The following CSMD1 variants were observed in gnomAD, a reference collection of about 807,000 sequenced individuals.
The protein encoded by CSMD1 is CUB and Sushi multiple domains 1, also known as CUB and sushi domain-containing protein 1.
A neutral mutation model predicts 417.5 loss-of-function variants in CSMD1; 213 were observed. That is an observed-to-expected ratio of 0.51 (90% CI 0.46 to 0.57). The LOEUF is 0.57. Ranked by LOEUF, CSMD1 falls within the 20% of genes least tolerant of loss-of-function variation. The pLI, the probability that CSMD1 is intolerant of heterozygous loss-of-function variation, is 0.00. For synonymous variants in CSMD1, 2,862 were observed against 1,736.8 expected (o/e 1.65, Z -16.11); for missense variants, 6,923 against 4,529.7 (o/e 1.53, Z -15.17).
intron 3 of CSMD1, among the ~76,000 whole-genome samples, chr8:4,355,266 A>ATAAT (rs1430037043): frequency 6.6e-6 from 1 of 151,902 alleles, no homozygotes; most frequent in Non-Finnish European, 1.5e-5. Flanking sequence ...AAATAAATAA[A>ATAAT]TAAATATACC....
rs1563209883 is a variant in CSMD1 at position 4,164,878 on chromosome 8, AAG to A, written c.416-132781_416-132780del. 2.4e-4 allele frequency among the ~76,000 whole-genome samples: 20 copies of A among 83,424 alleles called. No individual in the cohort carries two copies. In the South Asian group the frequency reaches 7.1e-3, roughly 30 times the overall value. The allele number at this position is 83,424 out of a possible 152,430, so 54.7% of individuals were successfully genotyped here. A position where few individuals can be genotyped will look rare whatever the true frequency, so the allele number is the denominator to read the frequency against. ...AGCAACAGAGCAAGACTCCATCTCA[AAG>A]AAAAAAAAAAATATATATATATGTA... is the stretch of plus-strand genomic sequence containing the variant. On this transcript the variant is annotated intron_variant, in intron 3 of 69. Transcript: ENST00000635120.
At chr8:3,489,543 A>G (rs1818250989) in intron 11 of CSMD1, among the ~76,000 whole-genome samples, 1 of 152,232 alleles carries the variant, frequency 6.6e-6, no homozygotes, top group East Asian at 1.9e-4. Flanking sequence ...ATGTACTTGG[A>G]AAGAACTCAA....
intron 3 of CSMD1, among the ~76,000 whole-genome samples, chr8:4,408,630 A>C (rs988802084): frequency 1.1e-4 from 16 of 152,224 alleles, no homozygotes; most frequent in African/African-American, 3.9e-4. Flanking sequence ...AATGTACTCT[A>C]TATGACACCA....
At chr8:4,185,356 T>A (rs1220510459) in intron 3 of CSMD1, among the ~76,000 whole-genome samples, 1 of 152,044 alleles carries the variant, frequency 6.6e-6, no homozygotes, top group Non-Finnish European at 1.5e-5. Context: ...AGGTTTACTA[T>A]GAAGATTAAA....
At chr8:3,720,652 C>CACAT (rs1478202847) in intron 6 of CSMD1, among the ~76,000 whole-genome samples, 71 of 152,028 alleles carry the variant, frequency 4.7e-4, no homozygotes, top group African/African-American at 1.7e-3. Context: ...CACACACACA[C>CACAT]ACACCAGCAC....
At chr8:3,097,841 A>G (rs1815431839) in intron 46 of CSMD1, among the ~76,000 whole-genome samples, 1 of 152,206 alleles carries the variant, frequency 6.6e-6, no homozygotes, top group African/African-American at 2.4e-5. Flanking sequence ...AAGAGGAAGA[A>G]TTAGAGACCT....
chr8:3,402,064 C>G (rs775875096), intron 15 of CSMD1, among the ~76,000 whole-genome samples: 4 of 151,868 alleles, frequency 2.6e-5, no homozygotes, highest in Admixed American at 1.3e-4. Flanking sequence ...GTGTATTTTC[C>G]TATGGCTTTA....
At chr8:4,525,557 A>C (rs2130423950) in intron 2 of CSMD1, among the ~76,000 whole-genome samples, 1 of 152,332 alleles carries the variant, frequency 6.6e-6, no homozygotes, top group African/African-American at 2.4e-5. Flanking sequence ...CCTAAAGGAA[A>C]TGATTGCACA....
intron 5 of CSMD1, among the ~76,000 whole-genome samples, chr8:3,934,238 G>A (rs1584992131): frequency 6.6e-6 from 1 of 152,242 alleles, no homozygotes; most frequent in Non-Finnish European, 1.5e-5. Context: ...GAAAACTGAT[G>A]AACTTGCTCA....
chr8:4,286,136 T>C (rs555924745), intron 3 of CSMD1, among the ~76,000 whole-genome samples: 1 of 152,038 alleles, frequency 6.6e-6, no homozygotes, highest in East Asian at 1.9e-4. Context: ...GCACATAACG[T>C]TTTTACGTTC....
intron 3 of CSMD1, among the ~76,000 whole-genome samples, chr8:4,059,328 CAAGAGA>C (rs201908874): frequency 0.65 from 98,387 of 150,646 alleles, 32,393 homozygotes; most frequent in Non-Finnish European, 0.71. Flanking sequence ...TAAATGTCCA[CAAGAGA>C]AAGTAGGAAA....
At chr8:4,313,296 T>C (rs10088341) in intron 3 of CSMD1, among the ~76,000 whole-genome samples, 47,494 of 151,854 alleles carry the variant, frequency 0.31, 8,755 homozygotes, top group African/African-American at 0.52. Flanking sequence ...GCGAAGAATC[T>C]GGTTAATAGC....
At chr8:3,384,309 T>G (rs549177276) in intron 18 of CSMD1, among the ~76,000 whole-genome samples, 1 of 152,042 alleles carries the variant, frequency 6.6e-6, no homozygotes, top group African/African-American at 2.4e-5. Flanking sequence ...TGTACATTTT[T>G]AAACATTTTT....
intron 3 of CSMD1, among the ~76,000 whole-genome samples, chr8:4,263,015 G>C (rs112203618): frequency 6.6e-6 from 1 of 152,024 alleles, no homozygotes; most frequent in South Asian, 2.1e-4. Flanking sequence ...ATTCTGTCTT[G>C]GCCAAATAGT....
chr8:3,836,134 G>A (rs1211573316), intron 5 of CSMD1, among the ~76,000 whole-genome samples: 1 of 152,080 alleles, frequency 6.6e-6, no homozygotes, highest in East Asian at 1.9e-4. Flanking sequence ...TGAAAGGTGT[G>A]AAGTTATTTT....
At position 4,417,500 on chromosome 8, in the gene CSMD1, A is replaced by G. The variant is rs530691756; in HGVS notation, c.415+2453T>C. On this transcript the variant is annotated intron_variant, in intron 3 of 69. Coordinates refer to ENST00000635120, the MANE Select transcript of CSMD1 (RefSeq NM_033225.6). ...GCAGCAGTCTGTTAATACTACCACA[A>G]TTCCATGTTTTAGTTAAATAAAAAA... Among the ~76,000 whole-genome samples the G allele has an allele frequency of 2.6e-5, 4 of 152,158 alleles. No homozygotes were observed. The South Asian group carries it at 6.2e-4, about 24-fold the overall frequency.
chr8:4,077,647 A>C (rs1799904553), intron 3 of CSMD1, among the ~76,000 whole-genome samples: 1 of 151,990 alleles, frequency 6.6e-6, no homozygotes, highest in Non-Finnish European at 1.5e-5. Context: ...CGGGTGACAA[A>C]AGGGAGGTAT....
At chr8:4,634,925 G>C (rs1802734399) in intron 2 of CSMD1, among the ~76,000 whole-genome samples, 1 of 152,086 alleles carries the variant, frequency 6.6e-6, no homozygotes, top group Non-Finnish European at 1.5e-5. Flanking sequence ...TTGTATTACA[G>C]TACTCTAAAC....
chr8:4,454,503 C>A (rs954746250), intron 2 of CSMD1, among the ~76,000 whole-genome samples: 12 of 152,080 alleles, frequency 7.9e-5, no homozygotes, highest in Non-Finnish European at 1.8e-4. Flanking sequence ...CATATACAAT[C>A]CTTGGAAGCA....
Sources: allele counts gnomAD v4.1 joint callset (sites outside exome capture counted in the v4.1 genomes callset), GRCh38; gene constraint gnomAD v4.1.1; transcripts MANE v1.5; gene names NCBI Gene and HGNC (gene_info 2026-07-23, HGNC 2026-07-21).